RAD17: variants seen among roughly 807,000 people sequenced by gnomAD.
RAD17 encodes cell cycle checkpoint protein RAD17.
RAD17 carries 31 observed loss-of-function variants against 81.5 expected under a neutral mutation model. The ratio of observed to expected loss-of-function variants is 0.38; its 90% confidence interval spans 0.29 to 0.51. The LOEUF is 0.51. Ranked by LOEUF, RAD17 falls within the 20% of genes least tolerant of loss-of-function variation. RAD17 has a pLI of 0.88. For synonymous variants in RAD17, 261 were observed against 266.2 expected (o/e 0.98, Z 0.19); for missense variants, 681 against 781.2 (o/e 0.87, Z 1.53).
In RAD17 at chr5:69,398,236, T is replaced by C. The variant is rs374838592; in HGVS notation, c.1572+1690T>C. Among the ~76,000 whole-genome samples, 4 of 152,240 alleles carry C rather than the reference T, an allele frequency of 2.6e-5. No individual in the cohort carries two copies. In the East Asian group the frequency reaches 5.8e-4, roughly 22 times the overall value. ...GGCTCAATTTAGCCATTCTACCATA[T>C]ATACATATTTCAGAACATCATGTTG... On this transcript the variant is annotated intron_variant, in intron 16 of 18. Transcript: ENST00000354868.
At chr5:69,384,281 A>G (rs2150807823) in intron 7 of RAD17, 1 of 152,754 alleles carries the variant, frequency 6.5e-6, no homozygotes, top group Middle Eastern at 3.4e-3. Context: ...AATTATATGA[A>G]TGTTATACCG....
At chr5:69,393,037 T>C in intron 13 of RAD17, 118 bp from the exon 14 acceptor site, 1 of 591,406 alleles carries the variant, frequency 1.7e-6, no homozygotes, top group Non-Finnish European at 2.9e-6. Context: ...TATTATTTTT[T>C]AACAGTTTGT....
At chr5:69,389,613 A>T (rs1282123299) in intron 12 of RAD17, among the ~76,000 whole-genome samples, 3 of 152,216 alleles carry the variant, frequency 2.0e-5, no homozygotes, top group African/African-American at 7.2e-5. Context: ...GTTTAATAAT[A>T]CTGTGCCGAG....
At chr5:69,407,562 G>GGT (rs1765683671) in intron 17 of RAD17, among the ~76,000 whole-genome samples, 4 of 40,890 alleles carry the variant, frequency 9.8e-5, no homozygotes, top group Non-Finnish European at 1.6e-4. Flanking sequence ...CTATGTCCAA[G>GGT]TTTTTTTTTT....
chr5:69,369,899 G>T lies in RAD17; in HGVS notation c.-451G>T. The stretch of plus-strand genomic sequence containing the variant: ...CCTAGGGTAGTCCCTGGTCGCCTCC[G>T]CTCTTCGCCTAAAAGGGGATGCAGC... On this transcript the variant is annotated 5_prime_UTR_variant, in exon 1 of 19. Coordinates refer to ENST00000354868, the MANE Select transcript of RAD17 (RefSeq NM_133338.3). 3.4e-6 allele frequency: 2 copies of T among 590,160 alleles called. No individual in the cohort carries two copies. Among genetic ancestry groups the T allele is most frequent in the Non-Finnish European group, 6.0e-6 (2 of 335,730 alleles). The allele number at this position is 590,160 out of a possible 1,614,324, so 36.6% of individuals were successfully genotyped here.
intron 18 of RAD17, among the ~76,000 whole-genome samples, chr5:69,413,446 A>G (rs1766148235): frequency 6.6e-6 from 1 of 152,234 alleles, no homozygotes; most frequent in Non-Finnish European, 1.5e-5. Context: ...CAATGAAAAA[A>G]AAGAAAAAAG....
At chr5:69,369,524 C>G (rs4252218), upstream of RAD17, 4 of 1,611,356 alleles carry the variant, frequency 2.5e-6, no homozygotes, top group Non-Finnish European at 3.4e-6. Flanking sequence ...GCGCCTCGCT[C>G]ACGTGCCCTT....
intron 16 of RAD17, 23 bp from the exon 17 acceptor site, chr5:69,400,026 T>C: frequency 2.4e-6 from 3 of 1,257,286 alleles, no homozygotes; most frequent in Non-Finnish European, 3.2e-6. Flanking sequence ...TCCTTTCATC[T>C]TTTTTTTTTC....
At chr5:69,393,550 T>G in intron 15 of RAD17, 50 bp downstream of exon 15, 2 of 1,504,088 alleles carry the variant, frequency 1.3e-6, no homozygotes. Flanking sequence ...TTCCTTAGAA[T>G]TAAGAAAAGA....
In RAD17 at chr5:69,373,915, A is replaced by G. The variant is rs11542280; in HGVS notation, c.95A>G (p.Asn32Ser). ...ATTACTGCCACATCATTAGGTGTGA[A>G]TAACTCAAGTCATAGAAGAAAAAAT... ...STITATSLGV[N>S]NSSHRRKNGP... The change falls in exon 5 of 19, where the codon AAT (asparagine) becomes AGT (serine). Residue 32 changes from asparagine to serine, a missense_variant. By Grantham distance (46) the Asn-to-Ser change is conservative (BLOSUM62 1). Transcript: ENST00000354868. 1 of 1,612,084 alleles carries G rather than the reference A, an allele frequency of 6.2e-7. No individual in the cohort carries two copies. The highest frequency in any genetic ancestry group is 8.5e-7 in the Non-Finnish European group (1 of 1,178,366).
rs957631650 is a variant in RAD17 at position 69,396,455 on chromosome 5, C to G, written c.1481C>G (p.Ser494Cys). Residue 494 changes from serine to cysteine, a missense_variant, in exon 16 of 19, where the codon TCC becomes TGC. Ser to Cys is a moderately radical substitution (Grantham distance 112). Transcript: ENST00000354868. ...ATAGCTACGAGAGGTGTGATGCATTCCAACAAAGCCCGAGGATATGCTCAT... is the reference window on the plus strand; with the variant it reads ...ATAGCTACGAGAGGTGTGATGCATTGCAACAAAGCCCGAGGATATGCTCAT... ...TSIATRGVMHSNKARGYAHCQ... is the reference protein window; with the variant it reads ...TSIATRGVMHCNKARGYAHCQ... The G allele has an allele frequency of 1.2e-6, 2 of 1,613,336 alleles. No homozygotes were observed. The highest frequency in any genetic ancestry group is 1.7e-5 in the Admixed American group (1 of 59,948).
At chr5:69,372,311 G>T in intron 4 of RAD17, 94 bp downstream of exon 4, 1 of 1,187,346 alleles carries the variant, frequency 8.4e-7, no homozygotes, top group South Asian at 1.3e-5. Context: ...AGTGAAGTGT[G>T]ACTTAGCATT....
rs1189560056 is a variant in RAD17 at position 69,384,825 on chromosome 5, G to T, written c.537G>T (p.Gln179His). The stretch of plus-strand genomic sequence containing the variant: ...CAAGCTTCCATATGTTTCCCTATCA[G>T]TCTCAGATAGCAGTTTTCAAAGAGT... The part of the protein sequence containing the change: ...TESSFHMFPY[Q>H]SQIAVFKEFL... Residue 179 changes from glutamine to histidine, a missense_variant, in exon 8 of 19, where the codon CAG becomes CAT. Coordinates refer to ENST00000354868, the MANE Select transcript of RAD17 (RefSeq NM_133338.3). 1 of 1,610,628 alleles carries T rather than the reference G, an allele frequency of 6.2e-7. No individual in the cohort carries two copies. Among genetic ancestry groups the T allele is most frequent in the Admixed American group, 1.7e-5 (1 of 59,546 alleles).
chr5:69,400,196 T>C lies in RAD17; in HGVS notation c.1693+27T>C, dbSNP rs768837251. 1.8e-5 allele frequency: 25 copies of C among 1,417,292 alleles called. No individual in the cohort carries two copies. In the African/African-American group the frequency reaches 3.2e-4, roughly 18 times the overall value. 87.8% of individuals were successfully genotyped at this position (1,417,292 alleles called of 1,614,324 possible). A position where few individuals can be genotyped will look rare whatever the true frequency, so the allele number is the denominator to read the frequency against. On this transcript the variant is annotated intron_variant, in intron 17 of 18. Coordinates refer to ENST00000354868, the MANE Select transcript of RAD17 (RefSeq NM_133338.3). ...TAATAACATAGGTTTTTCTTTTCTT[T>C]TAAGAAGTAGGGTTTATTTATTTAT...
upstream of RAD17, chr5:69,369,415 C>T (rs749418443): frequency 8.1e-6 from 13 of 1,597,814 alleles, no homozygotes; most frequent in East Asian, 2.9e-4. Flanking sequence ...GAGCACTCTG[C>T]GCCCCCAGCC....
chr5:69,384,489 A>AT (rs887407306), intron 7 of RAD17, among the ~76,000 whole-genome samples: 23 of 152,042 alleles, frequency 1.5e-4, no homozygotes, highest in Middle Eastern at 3.4e-3. Context: ...TAATTTGTGT[A>AT]TTTTTTTGTA....
intron 17 of RAD17, among the ~76,000 whole-genome samples, chr5:69,409,296 AAC>A (rs1765823556): frequency 2.0e-5 from 3 of 152,136 alleles, no homozygotes; most frequent in Admixed American, 2.0e-4. Context: ...TTTGGGTTAG[AAC>A]CTCTTATCCT....
chr5:69,372,127 A>G lies in RAD17; in HGVS notation c.-82A>G. ...TGCTGTCGAAAGTTTTACTATAATGAAAGATATTTTCATACTCTCAAAAAT... is the reference window on the plus strand; with the variant it reads ...TGCTGTCGAAAGTTTTACTATAATGGAAGATATTTTCATACTCTCAAAAAT... On this transcript the variant is annotated 5_prime_UTR_variant, in exon 4 of 19. Transcript: ENST00000354868. 2 of 1,510,318 alleles carry G rather than the reference A, an allele frequency of 1.3e-6. No individual in the cohort carries two copies. The highest frequency in any genetic ancestry group is 9.0e-7 in the Non-Finnish European group (1 of 1,114,548). The allele number at this position is 1,510,318 out of a possible 1,614,324, so 93.6% of individuals were successfully genotyped here.
chr5:69,377,435 G>T (rs1169121611), intron 6 of RAD17, among the ~76,000 whole-genome samples: 1 of 23,060 alleles, frequency 4.3e-5, no homozygotes, highest in East Asian at 1.5e-3. Context: ...GTGTGTGTGT[G>T]TGTGTATATA....
Sources: gnomAD v4.1 joint callset for allele counts (sites outside exome capture counted in the v4.1 genomes callset) on GRCh38, gnomAD v4.1.1 for gene constraint, MANE v1.5 for transcripts, NCBI Gene and HGNC (gene_info 2026-07-23, HGNC 2026-07-21) for gene names.